Variants in CLCN3 observed in about 807,000 individuals in gnomAD.
CLCN3 encodes the protein H(+)/Cl(-) exchange transporter 3.
CLCN3 carries 16 observed loss-of-function variants against 83.4 expected under a neutral mutation model. The observed-to-expected ratio is 0.19, with a 90% CI of 0.13 to 0.29. CLCN3 has a LOEUF of 0.29. CLCN3 is among the 10% of genes least tolerant of loss of function. CLCN3 has a pLI of 1.00. For missense variants in CLCN3, 544 were observed against 1,006.0 expected, an observed-to-expected ratio of 0.54 and a Z score of 6.21; for synonymous variants, 322 against 346.2, an observed-to-expected ratio of 0.93 and a Z score of 0.78.
intron 12 of CLCN3, among the ~76,000 whole-genome samples, chr4:169,715,265 A>C (rs993224474): frequency 2.6e-5 from 4 of 152,146 alleles, no homozygotes; most frequent in South Asian, 2.1e-4. Context: ...AAGTGTATAG[A>C]GCGAGGGGTG....
intron 12 of CLCN3, among the ~76,000 whole-genome samples, chr4:169,715,821 G>GA (rs11380916): frequency 0.98 from 149,081 of 152,088 alleles, 73,121 homozygotes; most frequent in Middle Eastern, 1. Context: ...GAGTGACTCA[G>GA]AAAAAACATT....
intron 9 of CLCN3, 51 bp from the exon 10 acceptor site, chr4:169,703,947 G>A (rs546067263): frequency 1.3e-6 from 2 of 1,527,222 alleles, no homozygotes; most frequent in African/African-American, 2.7e-5. Flanking sequence ...TAAGTTTCAG[G>A]CATGTGAGTA....
At chr4:169,673,109 C>T (rs72694789) in intron 2 of CLCN3, among the ~76,000 whole-genome samples, 13,882 of 152,214 alleles carry the variant, frequency 0.091, 663 homozygotes, top group African/African-American at 0.12. Context: ...ATAGTGGCTT[C>T]TCCCCAGTTT....
chr4:169,676,671 T>C (rs1186162700), intron 2 of CLCN3, among the ~76,000 whole-genome samples: 2 of 122,102 alleles, frequency 1.6e-5, no homozygotes, highest in African/African-American at 7.4e-5. Flanking sequence ...TTTTTTTTTG[T>C]ATTTTTAGTA....
intron 10 of CLCN3, among the ~76,000 whole-genome samples, chr4:169,704,681 A>G (rs956984542): frequency 2.0e-4 from 31 of 152,192 alleles, no homozygotes; most frequent in African/African-American, 7.5e-4. Flanking sequence ...AAAATGAGAA[A>G]AGGTAACTTC....
intron 11 of CLCN3, among the ~76,000 whole-genome samples, chr4:169,708,926 A>G (rs1249312273): frequency 6.7e-6 from 1 of 149,266 alleles, no homozygotes; most frequent in African/African-American, 2.4e-5. Flanking sequence ...AGACCTGTAT[A>G]TTAAGTTTTA....
At chr4:169,688,741 A>G (rs543747295) in intron 4 of CLCN3, among the ~76,000 whole-genome samples, 1 of 152,306 alleles carries the variant, frequency 6.6e-6, no homozygotes, top group Non-Finnish European at 1.5e-5. Context: ...TAGATTTGTG[A>G]ACCTCCTGCC....
chr4:169,643,725 G>A (rs1395189976), intron 2 of CLCN3, among the ~76,000 whole-genome samples: 2 of 151,948 alleles, frequency 1.3e-5, no homozygotes, highest in African/African-American at 4.8e-5. Context: ...GTAGAGATGG[G>A]GTATCTCACT....
chr4:169,636,026 G>A lies in CLCN3; in HGVS notation c.98G>A (p.Gly33Asp). 6.2e-7 allele frequency: 1 copy of A among 1,613,424 alleles called. No homozygotes were observed. The highest frequency in any genetic ancestry group is 8.5e-7 in the Non-Finnish European group (1 of 1,179,604). Reference protein sequence around the residue: ...SSDEELLDGAGVIMDFQTSED... With the variant: ...SSDEELLDGADVIMDFQTSED... ...GATGAGGAACTTTTAGATGGAGCAG[G>A]TGTTATTATGGACTTTCAAACATCT... is the stretch of plus-strand genomic sequence containing the variant. The change falls in exon 2 of 13, where the codon GGT becomes GAT. Residue 33 changes from glycine to aspartate, a missense_variant. Physicochemically the swap from Gly to Asp is moderately conservative, Grantham distance 94 (BLOSUM62 -1). Transcript: ENST00000513761.
chr4:169,707,318 A>C (rs758705159), intron 11 of CLCN3, 52 bp downstream of exon 11: 1 of 1,400,398 alleles, frequency 7.1e-7, no homozygotes, highest in Admixed American at 2.2e-5. Flanking sequence ...TTCTGGAAGA[A>C]AGGAAAGCAA....
At chr4:169,655,914 G>A (rs866601460) in intron 2 of CLCN3, among the ~76,000 whole-genome samples, 4 of 152,238 alleles carry the variant, frequency 2.6e-5, no homozygotes, top group African/African-American at 9.6e-5. Flanking sequence ...ATGTTTATGA[G>A]GTATGAATAT....
At chr4:169,653,640 C>CAAAAAAA (rs70964215) in intron 2 of CLCN3, among the ~76,000 whole-genome samples, 2 of 73,572 alleles carry the variant, frequency 2.7e-5, no homozygotes, top group Non-Finnish European at 4.7e-5. Flanking sequence ...GACTCCGTCT[C>CAAAAAAA]AAAAAAAAAA....
chr4:169,660,161 T>C, intron 2 of CLCN3: 1 of 1,133,618 alleles, frequency 8.8e-7, no homozygotes, highest in African/African-American at 1.6e-5. Flanking sequence ...TTGTAGCCAC[T>C]AGCAACCAGG....
At chr4:169,660,211 A>G (rs1375521791) in intron 2 of CLCN3, 4 of 1,203,298 alleles carry the variant, frequency 3.3e-6, no homozygotes, top group South Asian at 3.5e-5. Flanking sequence ...CCACTGTGGA[A>G]GAACCCAGTT....
chr4:169,667,277 C>A (rs1731279849), intron 2 of CLCN3, among the ~76,000 whole-genome samples: 1 of 151,430 alleles, frequency 6.6e-6, no homozygotes, highest in Non-Finnish European at 1.5e-5. Context: ...AAAAATATTT[C>A]TTTAAAGAAT....
chr4:169,644,484 C>T (rs772721230), intron 2 of CLCN3, among the ~76,000 whole-genome samples: 21 of 152,056 alleles, frequency 1.4e-4, no homozygotes, highest in African/African-American at 1.7e-4. Context: ...TCAAGTGATC[C>T]GCCCGCCTCA....
At position 169,719,890 on chromosome 4, in the gene CLCN3, C is replaced by G; in HGVS notation, c.2367-17C>G. On this transcript the variant is annotated splice_polypyrimidine_tract_variant and intron_variant, in intron 12 of 12. Coordinates refer to ENST00000513761, the MANE Select transcript of CLCN3 (RefSeq NM_001829.4). ...TTCCCTTTTATTTCATAGGAGTCTT[C>G]TGTTTATTCCTTTCAGGCGCCTCCT... 1 of 1,590,340 alleles carries G rather than the reference C, an allele frequency of 6.3e-7. No individual in the cohort carries two copies. The highest frequency in any genetic ancestry group is 1.4e-5 in the African/African-American group (1 of 73,338).
chr4:169,673,219 T>TA (rs1482053419), intron 2 of CLCN3, among the ~76,000 whole-genome samples: 10 of 152,350 alleles, frequency 6.6e-5, no homozygotes, highest in Non-Finnish European at 7.4e-5. Flanking sequence ...TGTCACATAC[T>TA]AAAGTAAATG....
rs761808392 is a variant in CLCN3 at position 169,680,124 on chromosome 4, A to G, written c.235A>G (p.Ile79Val). The G allele has an allele frequency of 1.2e-5, 19 of 1,612,500 alleles. No homozygotes were observed. The highest frequency in any genetic ancestry group is 2.2e-5 in the South Asian group (2 of 91,072). Residue 79 changes from isoleucine (I) to valine (V), a missense_variant, in exon 3 of 13, where the codon ATT (isoleucine) becomes GTT (valine). By Grantham distance (29) the Ile-to-Val change is conservative. This residue lies in a region of CLCN3 where 77 missense variants were observed against 92.8 expected (regional missense o/e 0.83). Coordinates refer to ENST00000513761, the MANE Select transcript of CLCN3 (RefSeq NM_001829.4). ...TTTACTGGATCTTTTGGATGAACCA[A>G]TTCCAGGTGTTGGTACATATGATGA... ...THLLDLLDEP[I>V]PGVGTYDDFH...
Sources: allele counts gnomAD v4.1 joint callset (sites outside exome capture counted in the v4.1 genomes callset), GRCh38; gene constraint gnomAD v4.1.1; regional missense constraint gnomAD v4.1.1; transcripts MANE v1.5; gene names NCBI Gene and HGNC (gene_info 2026-07-23, HGNC 2026-07-21).